The following NTM variants were observed in gnomAD, a reference collection of about 807,000 sequenced individuals.
NTM encodes the protein neurotrimin.
NTM carries 13 observed loss-of-function variants against 42.1 expected under a neutral mutation model. The observed-to-expected ratio is 0.31, with a 90% CI of 0.20 to 0.49. The LOEUF is 0.49. Ranked by LOEUF, NTM falls within the 20% of genes least tolerant of loss-of-function variation. The pLI is 0.99. For missense variants in NTM, 373 were observed against 452.8 expected (o/e 0.82, Z 1.60); for synonymous variants, 187 against 179.2 (o/e 1.04, Z -0.35).
In NTM at chr11:131,542,809, G is replaced by T. The variant is rs541299567; in HGVS notation, c.82+171921G>T. On this transcript the variant is annotated intron_variant, in intron 1 of 8. Transcript: ENST00000683400. ...GAAGAAAGAGCCTCTGGGTGAGGAG[G>T]TGTGCAGCCTGGCTCTTTGTCAAGT... is the stretch of plus-strand genomic sequence containing the variant. 2.0e-5 allele frequency among the ~76,000 whole-genome samples: 3 copies of T among 152,266 alleles called. No individual in the cohort carries two copies. In the East Asian group the frequency reaches 5.8e-4, roughly 29 times the overall value.
At chr11:131,380,310 C>T (rs368038896) in intron 1 of NTM, among the ~76,000 whole-genome samples, 9 of 150,906 alleles carry the variant, frequency 6.0e-5, no homozygotes, top group Non-Finnish European at 1.2e-4. Context: ...CGGGTTCAAG[C>T]GATTCTCCTG....
At chr11:131,939,593 T>C (rs1463283842) in intron 2 of NTM, among the ~76,000 whole-genome samples, 51 of 151,392 alleles carry the variant, frequency 3.4e-4, no homozygotes, top group Admixed American at 3.4e-3. Flanking sequence ...AGGTGAGAGG[T>C]AGAGTACAAG....
At chr11:131,473,144 AAC>A (rs1952605391) in intron 1 of NTM, among the ~76,000 whole-genome samples, 1 of 152,196 alleles carries the variant, frequency 6.6e-6, no homozygotes. Context: ...CTGGACTTCA[AAC>A]ACATCCCACC....
intron 2 of NTM, among the ~76,000 whole-genome samples, chr11:132,130,092 T>C (rs1226244970): frequency 6.6e-6 from 1 of 152,070 alleles, no homozygotes; most frequent in African/African-American, 2.4e-5. Flanking sequence ...ACTTTGGGAG[T>C]AGGAGATTTG....
At chr11:131,940,083 A>G (rs2059634017) in intron 2 of NTM, among the ~76,000 whole-genome samples, 1 of 152,256 alleles carries the variant, frequency 6.6e-6, no homozygotes. Flanking sequence ...ACCTCCCTTC[A>G]GAGAGCTTTT....
chr11:131,528,870 T>C (rs1489815065), intron 1 of NTM, among the ~76,000 whole-genome samples: 1 of 152,176 alleles, frequency 6.6e-6, no homozygotes, highest in African/African-American at 2.4e-5. Flanking sequence ...AGACATTTGA[T>C]TTGATTTGAT....
intron 1 of NTM, among the ~76,000 whole-genome samples, chr11:131,679,810 GC>G (rs2072105628): frequency 6.6e-6 from 1 of 152,034 alleles, no homozygotes; most frequent in Non-Finnish European, 1.5e-5. Context: ...GGTTCTGACG[GC>G]CCTCCCAGTC....
At chr11:132,039,079 C>T (rs1240401088) in intron 2 of NTM, among the ~76,000 whole-genome samples, 1 of 152,188 alleles carries the variant, frequency 6.6e-6, no homozygotes, top group Admixed American at 6.5e-5. Flanking sequence ...CCAGGTAATC[C>T]CTCTGTCCAG....
At chr11:131,586,163 T>C (rs1269627099) in intron 1 of NTM, among the ~76,000 whole-genome samples, 6 of 152,132 alleles carry the variant, frequency 3.9e-5, no homozygotes, top group Admixed American at 3.9e-4. Context: ...TAGAGTGCAG[T>C]GGTGCAATCA....
intron 1 of NTM, among the ~76,000 whole-genome samples, chr11:131,705,037 G>A (rs2076456569): frequency 6.6e-6 from 1 of 152,312 alleles, no homozygotes; most frequent in East Asian, 1.9e-4. Flanking sequence ...ATCAGACAAA[G>A]AGAATGGGGC....
chr11:131,792,026 G>C (rs971715089), intron 1 of NTM, among the ~76,000 whole-genome samples: 1 of 152,268 alleles, frequency 6.6e-6, no homozygotes, highest in African/African-American at 2.4e-5. Context: ...TATTACAAGA[G>C]AGGGATCCAG....
intron 1 of NTM, among the ~76,000 whole-genome samples, chr11:131,611,498 A>T (rs1000807211): frequency 2.0e-5 from 3 of 152,186 alleles, no homozygotes; most frequent in Non-Finnish European, 4.4e-5. Context: ...GTGGAATCAG[A>T]TTGCTCTGGG....
At chr11:132,037,360 C>G (rs2076634634) in intron 2 of NTM, among the ~76,000 whole-genome samples, 1 of 152,154 alleles carries the variant, frequency 6.6e-6, no homozygotes, top group African/African-American at 2.4e-5. Flanking sequence ...TGCCACGCTT[C>G]TTGTGCTGCC....
At chr11:131,990,669 G>A (rs2066857065) in intron 2 of NTM, among the ~76,000 whole-genome samples, 1 of 152,094 alleles carries the variant, frequency 6.6e-6, no homozygotes, top group South Asian at 2.1e-4. Context: ...CCTGAAGAGA[G>A]AAGAAAAACA....
chr11:131,869,546 A>T (rs999339099), intron 1 of NTM, among the ~76,000 whole-genome samples: 1 of 152,302 alleles, frequency 6.6e-6, no homozygotes, highest in Admixed American at 6.5e-5. Flanking sequence ...ATTTAAAATT[A>T]TTTCAGATGG....
At chr11:132,297,105 T>G (rs903049329) in intron 4 of NTM, among the ~76,000 whole-genome samples, 6 of 152,210 alleles carry the variant, frequency 3.9e-5, no homozygotes, top group African/African-American at 1.4e-4. Context: ...AGTTATTCCC[T>G]TCTGCACATG....
intron 1 of NTM, chr11:131,538,748 T>C (rs2052679584): frequency 6.6e-6 from 1 of 152,194 alleles, no homozygotes; most frequent in African/African-American, 2.4e-5. Context: ...GGAATGATGT[T>C]GGTCAATGGG....
chr11:131,733,439 G>A (rs1287815242), intron 1 of NTM, among the ~76,000 whole-genome samples: 2 of 149,032 alleles, frequency 1.3e-5, no homozygotes, highest in Admixed American at 6.6e-5. Flanking sequence ...ATTGTAAAAT[G>A]TCTTTTCCTT....
chr11:131,989,834 A>C (rs2066714852), intron 2 of NTM, among the ~76,000 whole-genome samples: 1 of 152,126 alleles, frequency 6.6e-6, no homozygotes, highest in Admixed American at 6.6e-5. Context: ...GAGGGAAAAG[A>C]ATGGTACAAC....
Sources: gnomAD v4.1 joint callset for allele counts (sites outside exome capture counted in the v4.1 genomes callset) on GRCh38, gnomAD v4.1.1 for gene constraint, MANE v1.5 for transcripts, NCBI Gene and HGNC (gene_info 2026-07-23, HGNC 2026-07-21) for gene names.